FBXO42: variants seen among roughly 807,000 people sequenced by gnomAD.
FBXO42 encodes the protein F-box only protein 42.
FBXO42 carries 12 observed loss-of-function variants against 71.7 expected under a neutral mutation model. The observed-to-expected ratio is 0.17, with a 90% confidence interval of 0.11 to 0.27. The LOEUF is 0.27. Among genes scored for constraint, FBXO42 ranks in the 10% least tolerant of loss-of-function variants. The pLI, the probability that FBXO42 is intolerant of heterozygous loss-of-function variation, is 1.00. For synonymous variants in FBXO42, 325 were observed against 327.5 expected (o/e 0.99, Z 0.08); for missense variants, 707 against 911.9 (o/e 0.78, Z 2.89).
At chr1:16,261,104 A>T (rs2081706910) in intron 4 of FBXO42, among the ~76,000 whole-genome samples, 1 of 152,258 alleles carries the variant, frequency 6.6e-6, no homozygotes. Flanking sequence ...ATGCCTTAAA[A>T]GGTCTAGTGT....
chr1:16,349,469 C>T (rs2082680104), intron 1 of FBXO42, among the ~76,000 whole-genome samples: 1 of 152,210 alleles, frequency 6.6e-6, no homozygotes, highest in Admixed American at 6.6e-5. Context: ...TTTTATTTTA[C>T]ATTTTACAAA....
At chr1:16,303,101 A>T (rs76429017) in intron 3 of FBXO42, among the ~76,000 whole-genome samples, 3,023 of 152,322 alleles carry the variant, frequency 0.02, 86 homozygotes, top group African/African-American at 0.069. Flanking sequence ...AGGGCAAATA[A>T]GGAAGTTTAA....
At chr1:16,307,881 A>C (rs571329893) in intron 2 of FBXO42, among the ~76,000 whole-genome samples, 2 of 152,280 alleles carry the variant, frequency 1.3e-5, no homozygotes, top group East Asian at 3.9e-4. Flanking sequence ...CAACAGATTC[A>C]ATGCAATCCT....
At chr1:16,266,476 G>T (rs1557574917) in intron 4 of FBXO42, among the ~76,000 whole-genome samples, 1 of 152,056 alleles carries the variant, frequency 6.6e-6, no homozygotes, top group Non-Finnish European at 1.5e-5. Flanking sequence ...TCTCAGAGTG[G>T]GTCCAATATA....
At chr1:16,349,032 T>C (rs1223867412) in intron 1 of FBXO42, among the ~76,000 whole-genome samples, 2 of 152,222 alleles carry the variant, frequency 1.3e-5, no homozygotes, top group African/African-American at 4.8e-5. Context: ...ATGACTCATA[T>C]AGAAAGGTTT....
chr1:16,253,063 T>G (rs780883615), intron 8 of FBXO42, 33 bp downstream of exon 8: 1 of 1,600,400 alleles, frequency 6.2e-7, no homozygotes, highest in Non-Finnish European at 8.5e-7. Flanking sequence ...CTTAGTAGCA[T>G]GCACATGGGA....
intron 4 of FBXO42, among the ~76,000 whole-genome samples, chr1:16,276,412 G>T (rs1270754224): frequency 1.4e-5 from 2 of 147,462 alleles, no homozygotes; most frequent in African/African-American, 5.0e-5. Flanking sequence ...GAAAAGAAAA[G>T]AAAACTGGAG....
In FBXO42 at chr1:16,340,190, T is replaced by C. The variant is rs553323204; in HGVS notation, c.-18+12065A>G. On this transcript the variant is annotated intron_variant, in intron 1 of 9. Transcript: ENST00000375592. ...GACTCCAGTCTCAAAAAAAAAAAAG[T>C]AAATTAAAAAAATTAAAAATCACCT... Among the ~76,000 whole-genome samples the C allele has an allele frequency of 6.4e-4, 96 of 151,006 alleles. 1 individual carries two copies. The highest frequency in any genetic ancestry group is 2.2e-3 in the African/African-American group (91 of 41,246).
intron 1 of FBXO42, among the ~76,000 whole-genome samples, chr1:16,335,117 C>CA (rs1297128674): frequency 2.9e-5 from 4 of 137,838 alleles, no homozygotes; most frequent in Admixed American, 2.2e-4. Flanking sequence ...GGCTCTGTCT[C>CA]AAAAAAAAGA....
At chr1:16,261,501 T>A (rs572894247) in intron 4 of FBXO42, among the ~76,000 whole-genome samples, 1 of 152,348 alleles carries the variant, frequency 6.6e-6, no homozygotes, top group African/African-American at 2.4e-5. Context: ...AGTAGGAGCA[T>A]CTTAAATAGC....
intron 5 of FBXO42, 100 bp from the exon 6 acceptor site, chr1:16,255,921 T>C: frequency 1.3e-6 from 1 of 791,740 alleles, no homozygotes. Flanking sequence ...CCTATCACTT[T>C]CAGCAGAGAT....
chr1:16,254,829 TGGACA>T (rs2081623027), intron 6 of FBXO42, among the ~76,000 whole-genome samples: 1 of 152,216 alleles, frequency 6.6e-6, no homozygotes, highest in African/African-American at 2.4e-5. Flanking sequence ...TGGCCAGAAG[TGGACA>T]GGACAGGAGG....
chr1:16,276,379 C>CAA (rs34711223), intron 4 of FBXO42, among the ~76,000 whole-genome samples: 4 of 97,382 alleles, frequency 4.1e-5, no homozygotes, highest in African/African-American at 1.1e-4. Flanking sequence ...CACTCTGTCT[C>CAA]AAAAAAAAAA....
chr1:16,271,935 T>C (rs1395649437), intron 4 of FBXO42, among the ~76,000 whole-genome samples: 2 of 148,894 alleles, frequency 1.3e-5, no homozygotes, highest in Admixed American at 1.3e-4. Context: ...GGTCAGGAGT[T>C]CGAGACCAGC....
At chr1:16,349,618 T>C (rs999570667) in intron 1 of FBXO42, among the ~76,000 whole-genome samples, 5 of 152,214 alleles carry the variant, frequency 3.3e-5, no homozygotes, top group Admixed American at 6.5e-5. Flanking sequence ...CCCAGCACTT[T>C]GGGAGGCCAA....
chr1:16,324,397 C>T (rs1334128502), intron 1 of FBXO42, among the ~76,000 whole-genome samples: 1 of 152,164 alleles, frequency 6.6e-6, no homozygotes, highest in Non-Finnish European at 1.5e-5. Context: ...ATAATACCAA[C>T]ACAGAACATT....
chr1:16,255,521 G>A (rs2081632952), intron 6 of FBXO42, among the ~76,000 whole-genome samples, 190 bp downstream of exon 6: 1 of 152,118 alleles, frequency 6.6e-6, no homozygotes, highest in South Asian at 2.1e-4. Context: ...TTTTAGTAGA[G>A]ATGGGGCTTC....
chr1:16,259,765 C>CAAAA (rs562076269), intron 4 of FBXO42, among the ~76,000 whole-genome samples: 1 of 69,914 alleles, frequency 1.4e-5, no homozygotes, highest in Non-Finnish European at 3.4e-5. Context: ...GACTCTGTCT[C>CAAAA]AAAAAAAAAA....
chr1:16,349,884 A>G (rs1569961049), intron 1 of FBXO42, among the ~76,000 whole-genome samples: 1 of 152,322 alleles, frequency 6.6e-6, no homozygotes, highest in African/African-American at 2.4e-5. Flanking sequence ...GAGTTAATTC[A>G]TTGACTAAAA....
Sources: gnomAD v4.1 joint callset for allele counts (sites outside exome capture counted in the v4.1 genomes callset) on GRCh38, gnomAD v4.1.1 for gene constraint, MANE v1.5 for transcripts, NCBI Gene and HGNC (gene_info 2026-07-23, HGNC 2026-07-21) for gene names.